Variants in NAP1L4 observed in about 807,000 individuals in gnomAD.
NAP1L4 encodes nucleosome assembly protein 1 like 4, also known as nucleosome assembly protein 1-like 4.
A neutral mutation model predicts 58.2 loss-of-function variants in NAP1L4; 15 were observed. That is an observed-to-expected ratio of 0.26 (90% CI 0.17 to 0.40). The LOEUF (loss-of-function observed/expected upper bound fraction) is 0.40. NAP1L4 is among the 10% of genes least tolerant of loss of function. NAP1L4 has a pLI of 1.00. For synonymous variants in NAP1L4, 171 were observed against 155.6 expected (o/e 1.10, Z -0.74); for missense variants, 384 against 451.1 (o/e 0.85, Z 1.35).
intron 1 of NAP1L4, among the ~76,000 whole-genome samples, chr11:2,980,290 C>A (rs1473845354): frequency 6.6e-6 from 1 of 152,180 alleles, no homozygotes. Context: ...TGGGCTCAAG[C>A]AATCCTCCCA....
In NAP1L4 at chr11:2,964,709, C is replaced by G. The variant is rs1268042531; in HGVS notation, c.577G>C (p.Val193Leu). 6.2e-7 allele frequency: 1 copy of G among 1,613,860 alleles called. No homozygotes were observed. Among genetic ancestry groups the G allele is most frequent in the Non-Finnish European group, 8.5e-7 (1 of 1,179,936 alleles). ...GGCTGTCCAGGGTCAGAAAATTTCA[C>G]TTTAATATCCTGCAGGTGTTTCAAG... ...PILKHLQDIK[V>L]KFSDPGQPMS... is the part of the protein sequence containing the mutation. Residue 193 changes from valine (V) to leucine (L), a missense_variant, in exon 8 of 16, where the codon GTG (valine) becomes CTG (leucine). Transcript: ENST00000380542.
intron 1 of NAP1L4, among the ~76,000 whole-genome samples, chr11:2,985,126 T>A (rs1333176436): frequency 6.6e-6 from 1 of 152,248 alleles, no homozygotes; most frequent in Admixed American, 6.5e-5. Flanking sequence ...CTGTGATCCA[T>A]CACGTGAAGT....
At chr11:2,960,553 G>A (rs923000300) in intron 8 of NAP1L4, among the ~76,000 whole-genome samples, 6 of 152,156 alleles carry the variant, frequency 3.9e-5, no homozygotes, top group Non-Finnish European at 8.8e-5. Flanking sequence ...TCATGCTCAC[G>A]AGTAACAAAA....
chr11:2,975,510 C>A (rs1847902344), intron 4 of NAP1L4, among the ~76,000 whole-genome samples: 1 of 151,852 alleles, frequency 6.6e-6, no homozygotes, highest in African/African-American at 2.4e-5. Flanking sequence ...GCGGGAGAAC[C>A]AATTGAGGCC....
At chr11:2,957,820 A>T (rs1399885476) in intron 10 of NAP1L4, among the ~76,000 whole-genome samples, 2 of 152,246 alleles carry the variant, frequency 1.3e-5, no homozygotes, top group African/African-American at 4.8e-5. Flanking sequence ...AGTCCCAACT[A>T]CTTGTGTTTC....
chr11:2,991,710 C>G (rs1243854842), intron 1 of NAP1L4: 1 of 152,490 alleles, frequency 6.6e-6, no homozygotes, highest in Non-Finnish European at 1.5e-5. Context: ...CCAGCCTGAC[C>G]CCACAGAGGC....
Position 2,958,409 on chromosome 11 carries a change from A to C in NAP1L4, c.882T>G (p.Asn294Lys), listed in dbSNP as rs1211253069. 6.2e-7 allele frequency: 1 copy of C among 1,613,956 alleles called. No individual in the cohort carries two copies. The highest frequency in any genetic ancestry group is 1.3e-5 in the African/African-American group (1 of 74,922). The change falls in exon 10 of 16, where the codon AAT (asparagine) becomes AAG (lysine). Residue 294 changes from asparagine (N) to lysine (K), a missense_variant. By Grantham distance (94) the Asn-to-Lys change is moderately conservative. Coordinates refer to ENST00000380542, the MANE Select transcript of NAP1L4 (RefSeq NM_005969.4). ...AACCAACAGACTTGCCTTTCAATGGATTGAAGAAGTTGAAAAAGGACTCAT... is the reference window on the plus strand; with the variant it reads ...AACCAACAGACTTGCCTTTCAATGGCTTGAAGAAGTTGAAAAAGGACTCAT... ...VPNESFFNFF[N>K]PLKASGDGES...
chr11:2,982,681 A>G (rs1020748927), intron 1 of NAP1L4, among the ~76,000 whole-genome samples: 8 of 152,206 alleles, frequency 5.3e-5, no homozygotes, highest in Non-Finnish European at 1.2e-4. Context: ...TTTCCCTAGT[A>G]CCAACACCAC....
intron 1 of NAP1L4, among the ~76,000 whole-genome samples, chr11:2,980,063 T>A (rs1352770895): frequency 1.3e-5 from 2 of 152,250 alleles, no homozygotes; most frequent in Non-Finnish European, 2.9e-5. Context: ...ATACTCAGTA[T>A]TATTCCACTT....
intron 8 of NAP1L4, among the ~76,000 whole-genome samples, chr11:2,962,282 A>T (rs1441601257): frequency 2.6e-5 from 4 of 152,270 alleles, no homozygotes; most frequent in Non-Finnish European, 5.9e-5. Flanking sequence ...GGGGAATGTT[A>T]AACTGTTTTA....
chr11:2,973,019 G>A (rs990545972), intron 4 of NAP1L4, among the ~76,000 whole-genome samples: 1 of 152,200 alleles, frequency 6.6e-6, no homozygotes. Context: ...TTATGCTGGA[G>A]TGTCCGTCGA....
chr11:2,970,403 T>C (rs1426147886), intron 6 of NAP1L4, among the ~76,000 whole-genome samples: 2 of 152,032 alleles, frequency 1.3e-5, no homozygotes, highest in Non-Finnish European at 2.9e-5. Flanking sequence ...TTGTTAAAAT[T>C]TGTGGGGTGC....
chr11:2,976,195 T>G (rs536592417), intron 3 of NAP1L4, 72 bp from the exon 4 acceptor site: 8 of 1,107,310 alleles, frequency 7.2e-6, no homozygotes, highest in Middle Eastern at 2.0e-4. Flanking sequence ...CAAAAATTAG[T>G]AACATATCTA....
intron 2 of NAP1L4, 100 bp from the exon 3 acceptor site, chr11:2,978,442 G>A (rs1320749920): frequency 9.3e-7 from 1 of 1,076,160 alleles, no homozygotes; most frequent in East Asian, 2.7e-5. Context: ...AGAGGTATCT[G>A]TACAGTGACG....
intron 10 of NAP1L4, among the ~76,000 whole-genome samples, chr11:2,957,648 G>C (rs1318918046): frequency 6.6e-6 from 1 of 152,142 alleles, no homozygotes; most frequent in Non-Finnish European, 1.5e-5. Flanking sequence ...GAAATTATAT[G>C]AAAAATCCCA....
At chr11:2,947,355 T>C (rs1351354118) in intron 15 of NAP1L4, among the ~76,000 whole-genome samples, 1 of 152,216 alleles carries the variant, frequency 6.6e-6, no homozygotes, top group Non-Finnish European at 1.5e-5. Context: ...AGAGTCCGCA[T>C]AGAACACTCT....
intron 10 of NAP1L4, among the ~76,000 whole-genome samples, chr11:2,957,759 AAAAG>A (rs1480694768): frequency 6.6e-6 from 1 of 152,248 alleles, no homozygotes; most frequent in Non-Finnish European, 1.5e-5. Context: ...TAAATAAACA[AAAAG>A]AAGCAGCTTC....
At position 2,970,009 on chromosome 11, in the gene NAP1L4, T is replaced by C. The variant is rs927055836; in HGVS notation, c.403-75A>G. The C allele has an allele frequency of 7.4e-5, 108 of 1,462,904 alleles. No individual in the cohort carries two copies. In the East Asian group the frequency reaches 8.7e-4, roughly 12 times the overall value. 90.6% of individuals were successfully genotyped at this position (1,462,904 alleles called of 1,614,324 possible). A position where few individuals can be genotyped will look rare whatever the true frequency, so the allele number is the denominator to read the frequency against. Reference sequence around the variant, plus strand: ...TGCAGCGGCTTCACGTAGAATATCGTTGCCGAATCCTCTACTATCTCCCAT... The same window carrying C: ...TGCAGCGGCTTCACGTAGAATATCGCTGCCGAATCCTCTACTATCTCCCAT... On this transcript the variant is annotated intron_variant, in intron 6 of 15. Transcript: ENST00000380542.
Position 2,954,118 on chromosome 11 carries a change from A to C in NAP1L4, c.1035+409T>G, listed in dbSNP as rs1331437465. Among the ~76,000 whole-genome samples, 1 of 152,158 alleles carries C rather than the reference A, an allele frequency of 6.6e-6. No individual in the cohort carries two copies. Among genetic ancestry groups the C allele is most frequent in the Non-Finnish European group, 1.5e-5 (1 of 68,032 alleles). On this transcript the variant is annotated intron_variant, in intron 12 of 15. Transcript: ENST00000380542. This position sits in a 1 kb window ranked among gnomAD's most constrained non-coding sequence, Gnocchi z 4.8. ...TACCTAATTAGATAGAAGTTCAGGA[A>C]TTTCTATTTCTTTTGGGTTGATGAA...
Sources: gnomAD v4.1 joint callset for allele counts (sites outside exome capture counted in the v4.1 genomes callset) on GRCh38, gnomAD v4.1.1 for gene constraint, Gnocchi (gnomAD v3.1) non-coding constraint, MANE v1.5 for transcripts, NCBI Gene and HGNC (gene_info 2026-07-23, HGNC 2026-07-21) for gene names.